The following HMCN1 variants were observed in gnomAD, a reference collection of about 807,000 sequenced individuals.
HMCN1 encodes the protein hemicentin 1.
HMCN1 carries 321 observed loss-of-function variants against 625.9 expected under a neutral mutation model. That is an observed-to-expected ratio of 0.51 (90% CI 0.47 to 0.56). The LOEUF is 0.56. HMCN1 is among the 20% of genes least tolerant of loss of function. The pLI is 0.00. For synonymous variants in HMCN1, 2,425 were observed against 2,417.6 expected, an observed-to-expected ratio of 1.00 and a Z score of -0.09; for missense variants, 6,588 against 6,887.3, an observed-to-expected ratio of 0.96 and a Z score of 1.54.
intron 11 of HMCN1, among the ~76,000 whole-genome samples, chr1:185,945,871 A>T (rs914546212): frequency 1.3e-5 from 2 of 152,216 alleles, no homozygotes; most frequent in African/African-American, 4.8e-5. Context: ...GTCTTTTGAT[A>T]TAGAATTGGA....
intron 8 of HMCN1, 46 bp from the exon 9 acceptor site, chr1:185,925,001 C>T (rs1200724258): frequency 6.6e-7 from 1 of 1,518,796 alleles, no homozygotes. Context: ...ATCATTGTGA[C>T]CTTCTTGCTT....
Position 186,132,342 on chromosome 1 carries a change from T to C in HMCN1, c.13245T>C (p.Gly4415=). 1 of 1,612,710 alleles carries C rather than the reference T, an allele frequency of 6.2e-7. No homozygotes were observed. Residue 4415 remains glycine (G), a synonymous_variant, in exon 86 of 107, where the codon GGT becomes GGC. Transcript: ENST00000271588. ...TATTTCCATAGAATGAAGATGCCGG[T>C]GACTATACATGTGTAGCTACCAATG... ...AIYGTVNEDA[G]DYTCVATNEA...
chr1:185,879,745 G>T (rs1430399856), intron 4 of HMCN1, among the ~76,000 whole-genome samples: 1 of 152,170 alleles, frequency 6.6e-6, no homozygotes, highest in Non-Finnish European at 1.5e-5. Context: ...AAACCCAGTT[G>T]ATGGCAAGTT....
chr1:186,138,269 C>T (rs2102537897), intron 89 of HMCN1, among the ~76,000 whole-genome samples: 1 of 152,222 alleles, frequency 6.6e-6, no homozygotes, highest in Admixed American at 6.5e-5. Context: ...CATAAAGTAA[C>T]ATCTAATCCA....
intron 68 of HMCN1, among the ~76,000 whole-genome samples, chr1:186,103,124 C>T (rs1203231524): frequency 1.3e-5 from 2 of 151,886 alleles, no homozygotes; most frequent in African/African-American, 4.8e-5. Flanking sequence ...TAATAATATG[C>T]TAAGTCCCTC....
intron 11 of HMCN1, among the ~76,000 whole-genome samples, chr1:185,960,054 A>G (rs1168740938): frequency 6.7e-6 from 1 of 149,506 alleles, no homozygotes; most frequent in Non-Finnish European, 1.5e-5. Flanking sequence ...TTCAACTGTT[A>G]TTTGGTAGAA....
rs759497369 is a variant in HMCN1 at position 186,128,297 on chromosome 1, T to C, written c.12904+6T>C. On this transcript the variant is annotated splice_donor_region_variant and intron_variant, in intron 83 of 106. Transcript: ENST00000271588. Reference sequence around the variant, plus strand: ...CAATAACAATATTATTCCAGGTTGGTCATTTAATTCTCAAGAAGTGAATAA... The same window carrying C: ...CAATAACAATATTATTCCAGGTTGGCCATTTAATTCTCAAGAAGTGAATAA... The C allele has an allele frequency of 1.5e-5, 24 of 1,607,666 alleles. No homozygotes were observed. The highest frequency in any genetic ancestry group is 1.9e-5 in the Non-Finnish European group (22 of 1,175,134).
chr1:186,125,829 CAGA>C, intron 82 of HMCN1, 35 bp downstream of exon 82: 1 of 1,522,554 alleles, frequency 6.6e-7, no homozygotes, highest in South Asian at 1.1e-5. Context: ...TACATTAAGC[CAGA>C]TTGTAAATTT....
chr1:185,985,904 T>C (rs549476714), intron 19 of HMCN1, among the ~76,000 whole-genome samples: 1 of 152,198 alleles, frequency 6.6e-6, no homozygotes, highest in Admixed American at 6.5e-5. Context: ...AATTGTCATA[T>C]TGGTTTATAT....
In HMCN1 at chr1:185,909,380, A is replaced by C; in HGVS notation, c.665A>C (p.His222Pro). The C allele has an allele frequency of 6.2e-7, 1 of 1,613,232 alleles. No individual in the cohort carries two copies. The highest frequency in any genetic ancestry group is 8.5e-7 in the Non-Finnish European group (1 of 1,179,330). Residue 222 changes from histidine (H) to proline (P), a missense_variant, in exon 5 of 107, where the codon CAC becomes CCC. By Grantham distance (77) the His-to-Pro change is moderately conservative. Transcript: ENST00000271588. Reference protein sequence around the residue: ...VEEAVQASKVHLLSTDHLEQA... With the variant: ...VEEAVQASKVPLLSTDHLEQA... Reference sequence around the variant, plus strand: ...GAAGCAGTACAGGCCTCCAAAGTTCACCTTTTATCCACAGATCATTTGGAA... The same window carrying C: ...GAAGCAGTACAGGCCTCCAAAGTTCCCCTTTTATCCACAGATCATTTGGAA...
At chr1:186,157,801 T>C (rs1651129338) in intron 97 of HMCN1, among the ~76,000 whole-genome samples, 2 of 152,212 alleles carry the variant, frequency 1.3e-5, no homozygotes, top group South Asian at 4.1e-4. Flanking sequence ...TAGTATTCCA[T>C]GGTGTATATG....
At chr1:185,952,169 T>C (rs913750054) in intron 11 of HMCN1, among the ~76,000 whole-genome samples, 2 of 151,840 alleles carry the variant, frequency 1.3e-5, no homozygotes, top group Non-Finnish European at 2.9e-5. Context: ...GCATTAACCT[T>C]GACTATGCCT....
intron 1 of HMCN1, among the ~76,000 whole-genome samples, chr1:185,829,022 ATTAG>A (rs1660694172): frequency 6.6e-6 from 1 of 152,158 alleles, no homozygotes; most frequent in South Asian, 2.1e-4. Context: ...AAACTAAACT[ATTAG>A]TTAATAAAAT....
Position 186,018,347 on chromosome 1 carries a change from T to A in HMCN1, c.5465T>A (p.Val1822Asp), listed in dbSNP as rs201498600. 1 of 1,612,498 alleles carries A rather than the reference T, an allele frequency of 6.2e-7. No homozygotes were observed. The highest frequency in any genetic ancestry group is 1.7e-5 in the Admixed American group (1 of 59,918). Residue 1822 changes from valine to aspartate, a missense_variant, in exon 34 of 107, where the codon GTT becomes GAT. Physicochemically the swap from Val to Asp is radical, Grantham distance 152 (BLOSUM62 -3). Around this residue, in one of 3 missense-constraint regions of HMCN1, gnomAD observed 4,628 missense variants for 4,853.1 expected, o/e 0.95. Transcript: ENST00000271588. ...GDHKKEFEVT[V>D]HVPPTIKSSG... is the part of the protein sequence containing the mutation. ...CACAAGAAGGAATTTGAAGTGACTG[T>A]TCATGGTATGCTGAAGAAGGGACAG...
chr1:185,892,383 C>A (rs905384986), intron 4 of HMCN1, among the ~76,000 whole-genome samples: 5 of 150,758 alleles, frequency 3.3e-5, no homozygotes, highest in Admixed American at 6.6e-5. Flanking sequence ...GGAGGAGAGG[C>A]GCTCTGATTT....
intron 71 of HMCN1, among the ~76,000 whole-genome samples, chr1:186,111,979 A>G (rs567023088): frequency 2.6e-5 from 4 of 152,212 alleles, no homozygotes; most frequent in Non-Finnish European, 4.4e-5. Flanking sequence ...CTTAGGTACA[A>G]TGAGAGAATA....
chr1:185,985,429 T>G (rs1351093728), intron 19 of HMCN1, among the ~76,000 whole-genome samples: 1 of 152,190 alleles, frequency 6.6e-6, no homozygotes. Context: ...TTCTAGTGAC[T>G]GCCTAGAATA....
chr1:185,925,987 A>G (rs1667256832), intron 9 of HMCN1, among the ~76,000 whole-genome samples: 2 of 152,200 alleles, frequency 1.3e-5, no homozygotes, highest in Admixed American at 1.3e-4. Flanking sequence ...ACCTGCATAT[A>G]ACAATCAGCA....
intron 11 of HMCN1, among the ~76,000 whole-genome samples, chr1:185,956,108 C>T (rs1438365695): frequency 6.6e-6 from 1 of 152,082 alleles, no homozygotes; most frequent in African/African-American, 2.4e-5. Flanking sequence ...CTGTGAGATA[C>T]TTATTGTCTA....
Sources: gnomAD v4.1 joint callset for allele counts (sites outside exome capture counted in the v4.1 genomes callset) on GRCh38, gnomAD v4.1.1 for gene constraint, gnomAD v4.1.1 regional missense constraint, MANE v1.5 for transcripts, NCBI Gene and HGNC (gene_info 2026-07-23, HGNC 2026-07-21) for gene names.